FOXN3: variants seen among roughly 807,000 people sequenced by gnomAD.
FOXN3 encodes forkhead box protein N3.
Under a neutral mutation model 38.4 loss-of-function variants are expected in FOXN3, and 7 were observed. The ratio of observed to expected loss-of-function variants is 0.18; its 90% CI spans 0.10 to 0.34. FOXN3 has a LOEUF of 0.34. Ranked by LOEUF, FOXN3 falls within the 10% of genes least tolerant of loss-of-function variation. The probability of loss-of-function intolerance (pLI) is 1.00; values close to 1 mark genes in which losing one functional copy is unlikely to be tolerated. For missense variants in FOXN3, 456 were observed against 613.4 expected, an observed-to-expected ratio of 0.74 and a Z score of 2.71; for synonymous variants, 230 against 242.2, an observed-to-expected ratio of 0.95 and a Z score of 0.47.
At chr14:89,237,490 T>C (rs1885013486) in intron 4 of FOXN3, among the ~76,000 whole-genome samples, 1 of 151,876 alleles carries the variant, frequency 6.6e-6, no homozygotes, top group African/African-American at 2.4e-5. Flanking sequence ...GAAGCATTTA[T>C]CATCGTAAAT....
chr14:89,516,350 T>C (rs1014394803), intron 1 of FOXN3, among the ~76,000 whole-genome samples: 1 of 152,160 alleles, frequency 6.6e-6, no homozygotes, highest in Non-Finnish European at 1.5e-5. Context: ...CTTCCACTCA[T>C]CTAAGGTGTA....
intron 3 of FOXN3, among the ~76,000 whole-genome samples, chr14:89,286,298 A>C (rs1886627383): frequency 6.6e-6 from 1 of 152,134 alleles, no homozygotes; most frequent in Admixed American, 6.5e-5. Context: ...GCGGGAAGAA[A>C]GGAAGAATAT....
intron 4 of FOXN3, among the ~76,000 whole-genome samples, chr14:89,204,487 G>T (rs1439903698): frequency 1.3e-5 from 2 of 152,168 alleles, no homozygotes; most frequent in African/African-American, 4.8e-5. Flanking sequence ...GAAAAAAATA[G>T]AAAAGCCAAT....
At chr14:89,530,879 G>T (rs1451558727) in intron 1 of FOXN3, among the ~76,000 whole-genome samples, 1 of 149,708 alleles carries the variant, frequency 6.7e-6, no homozygotes, top group East Asian at 1.9e-4. Flanking sequence ...CAAAGTGCTG[G>T]GATTACGGTG....
At chr14:89,579,209 G>A (rs1193033858) in intron 1 of FOXN3, among the ~76,000 whole-genome samples, 1 of 147,432 alleles carries the variant, frequency 6.8e-6, no homozygotes, top group Non-Finnish European at 1.5e-5. Context: ...GAAGTACACT[G>A]GCATGATCAT....
intron 1 of FOXN3, among the ~76,000 whole-genome samples, chr14:89,453,373 G>C (rs1385608584): frequency 6.6e-6 from 1 of 151,620 alleles, no homozygotes; most frequent in Non-Finnish European, 1.5e-5. Flanking sequence ...TGGCTAACAC[G>C]GTGAAACCCT....
intron 4 of FOXN3, among the ~76,000 whole-genome samples, chr14:89,272,426 G>T (rs1040514453): frequency 1.3e-5 from 2 of 152,022 alleles, no homozygotes; most frequent in Admixed American, 1.3e-4. Flanking sequence ...AAAGGTATAG[G>T]TATTACATGT....
intron 5 of FOXN3, among the ~76,000 whole-genome samples, chr14:89,174,455 A>T (rs1455995748): frequency 6.6e-6 from 1 of 152,126 alleles, no homozygotes; most frequent in Non-Finnish European, 1.5e-5. Flanking sequence ...GATAAACATG[A>T]TTTCCTTTTT....
intron 1 of FOXN3, among the ~76,000 whole-genome samples, chr14:89,503,674 G>A (rs58772488): frequency 0.021 from 3,246 of 152,244 alleles, 108 homozygotes; most frequent in African/African-American, 0.074. Flanking sequence ...ACCGAGTCAG[G>A]GACTGGGCTT....
At chr14:89,493,996 A>T (rs577961429) in intron 1 of FOXN3, 1 of 152,104 alleles carries the variant, frequency 6.6e-6, no homozygotes, top group East Asian at 1.9e-4. Flanking sequence ...GTTTGACTGG[A>T]ATCTTGCAAC....
At chr14:89,509,393 G>A (rs1328493648) in intron 1 of FOXN3, among the ~76,000 whole-genome samples, 1 of 152,138 alleles carries the variant, frequency 6.6e-6, no homozygotes, top group Non-Finnish European at 1.5e-5. Flanking sequence ...GGAGTGCAGT[G>A]GCATGATCTC....
chr14:89,460,000 TG>T (rs1170629438), intron 1 of FOXN3, among the ~76,000 whole-genome samples: 1 of 152,184 alleles, frequency 6.6e-6, no homozygotes, highest in Non-Finnish European at 1.5e-5. Flanking sequence ...GATGTTCCCC[TG>T]GAAGTCTGGT....
chr14:89,352,292 T>A (rs1369117430), intron 2 of FOXN3, among the ~76,000 whole-genome samples: 2 of 152,156 alleles, frequency 1.3e-5, no homozygotes, highest in Non-Finnish European at 2.9e-5. Context: ...GCACACATTC[T>A]CAAACCCAGA....
At position 89,164,451 on chromosome 14, in the gene FOXN3, AG is replaced by A. The variant is rs1264362028; in HGVS notation, c.852-1483del. Among the ~76,000 whole-genome samples, 1 of 152,172 alleles carries A rather than the reference AG, an allele frequency of 6.6e-6. No homozygotes were observed. The highest frequency in any genetic ancestry group is 1.5e-5 in the Non-Finnish European group (1 of 68,032). On this transcript the variant is annotated intron_variant, in intron 5 of 5. Coordinates refer to ENST00000557258, the MANE Select transcript of FOXN3 (RefSeq NM_005197.4). This position sits in a 1 kb window ranked among gnomAD's most constrained non-coding sequence, Gnocchi z 4.3. ...GAACATGACCATACTTTTCCTGCCT[AG>A]ATGACCCCAACTGTAAGTACTCTTA...
At chr14:89,523,959 C>T (rs1354788803) in intron 1 of FOXN3, among the ~76,000 whole-genome samples, 1 of 151,630 alleles carries the variant, frequency 6.6e-6, no homozygotes, top group Non-Finnish European at 1.5e-5. Flanking sequence ...GACGGGGTTT[C>T]ACCATGTTGG....
chr14:89,415,778 C>A (rs1891683748), intron 1 of FOXN3, among the ~76,000 whole-genome samples: 1 of 150,726 alleles, frequency 6.6e-6, no homozygotes, highest in Admixed American at 6.6e-5. Flanking sequence ...TTTTAATCTG[C>A]TGCCAACAAG....
chr14:89,255,819 T>A (rs1305043789), intron 4 of FOXN3, among the ~76,000 whole-genome samples: 1 of 152,142 alleles, frequency 6.6e-6, no homozygotes. Context: ...CATTCATGAC[T>A]GTCCTCAAGA....
chr14:89,325,180 G>A (rs542614325), intron 3 of FOXN3, among the ~76,000 whole-genome samples: 13 of 150,396 alleles, frequency 8.6e-5, no homozygotes, highest in African/African-American at 2.7e-4. Context: ...GCTATTCTTC[G>A]GGCTCCTGCT....
At chr14:89,167,163 T>C (rs1887264830) in intron 5 of FOXN3, among the ~76,000 whole-genome samples, 5 of 152,252 alleles carry the variant, frequency 3.3e-5, no homozygotes, top group Admixed American at 3.3e-4. Context: ...AACCTGGTAC[T>C]CATTCTCTTG....
Sources: gnomAD v4.1 joint callset for allele counts (sites outside exome capture counted in the v4.1 genomes callset) on GRCh38, gnomAD v4.1.1 for gene constraint, Gnocchi (gnomAD v3.1) non-coding constraint, MANE v1.5 for transcripts, NCBI Gene and HGNC (gene_info 2026-07-23, HGNC 2026-07-21) for gene names.